Variants in HHIP observed in about 807,000 individuals in gnomAD.
HHIP encodes the protein hedgehog interacting protein.
Under a neutral mutation model 74.0 loss-of-function variants are expected in HHIP, and 12 were observed. The observed-to-expected ratio is 0.16, with a 90% CI of 0.10 to 0.26. The LOEUF is 0.26. Among genes scored for constraint, HHIP ranks in the 10% least tolerant of loss-of-function variants. The probability of loss-of-function intolerance (pLI) is 1.00; values close to 1 mark genes in which losing one functional copy is unlikely to be tolerated. For missense variants in HHIP, 788 were observed against 845.0 expected, an observed-to-expected ratio of 0.93 and a Z score of 0.84; for synonymous variants, 309 against 311.6, an observed-to-expected ratio of 0.99 and a Z score of 0.09.
rs116303681 is a variant in HHIP, at chr4:144,738,888, G to C, written c.*931G>C. 66 of 160,452 alleles carry C rather than the reference G, an allele frequency of 4.1e-4. No homozygotes were observed. Among genetic ancestry groups the C allele is most frequent in the Non-Finnish European group, 7.9e-4 (59 of 75,150 alleles). 9.9% of individuals were successfully genotyped at this position (160,452 alleles called of 1,614,324 possible). On this transcript the variant is annotated 3_prime_UTR_variant, in exon 13 of 13. Coordinates refer to ENST00000296575, the MANE Select transcript of HHIP (RefSeq NM_022475.3). ...CAACATGTAATCATTAACGACGGAT[G>C]AAAAAGCAAGAAAACAGCCAATCCT...
intron 4 of HHIP, among the ~76,000 whole-genome samples, chr4:144,688,210 C>T (rs1729540239): frequency 6.6e-6 from 1 of 152,076 alleles, no homozygotes; most frequent in South Asian, 2.1e-4. Context: ...CATGTTCCCA[C>T]CCAAGTCAGC....
intron 11 of HHIP, among the ~76,000 whole-genome samples, chr4:144,734,474 G>C (rs1381628464): frequency 1.3e-5 from 2 of 152,050 alleles, no homozygotes; most frequent in Non-Finnish European, 2.9e-5. Flanking sequence ...TTTAATTAAA[G>C]ATATTTTCAT....
chr4:144,737,922 T>A lies in HHIP; in HGVS notation c.2068T>A (p.Ser690Thr). 6.2e-7 allele frequency: 1 copy of A among 1,612,064 alleles called. No individual in the cohort carries two copies. The highest frequency in any genetic ancestry group is 8.5e-7 in the Non-Finnish European group (1 of 1,179,032). Residue 690 changes from serine (S) to threonine (T), a missense_variant, in exon 13 of 13, where the codon TCT (serine) becomes ACT (threonine). Ser to Thr is a moderately conservative substitution (Grantham distance 58). Transcript: ENST00000296575. ...TCTTGATCAGATCATTGACATGACATCTTACTTGCTGGATCTAACAAGTTA... is the reference window on the plus strand; with the variant it reads ...TCTTGATCAGATCATTGACATGACAACTTACTTGCTGGATCTAACAAGTTA... ...GILDQIIDMTSYLLDLTSYIV is the reference protein window; with the variant it reads ...GILDQIIDMTTYLLDLTSYIV
rs563082520 is a variant in HHIP at position 144,743,915 on chromosome 4, A to T, written c.*5958A>T. ...GTTTGGGATAGTATGCCCAAAACCT[A>T]TGTTTCTTTACTTTATATTCTTAAA... On this transcript the variant is annotated 3_prime_UTR_variant, in exon 13 of 13. Transcript: ENST00000296575. 3.3e-5 allele frequency: 5 copies of T among 152,232 alleles called. No individual in the cohort carries two copies. The South Asian group carries it at 1.0e-3, about 32-fold the overall frequency. The allele number at this position is 152,232 out of a possible 1,614,324, so 9.4% of individuals were successfully genotyped here. A position where few individuals can be genotyped will look rare whatever the true frequency, so the allele number is the denominator to read the frequency against.
At chr4:144,673,043 T>C (rs549469014) in intron 4 of HHIP, among the ~76,000 whole-genome samples, 5 of 152,300 alleles carry the variant, frequency 3.3e-5, no homozygotes, top group African/African-American at 1.2e-4. Flanking sequence ...ATGCTGAGAA[T>C]AGACTTGGAG....
At chr4:144,696,138 T>C (rs1729811873) in intron 4 of HHIP, among the ~76,000 whole-genome samples, 1 of 151,944 alleles carries the variant, frequency 6.6e-6, no homozygotes, top group Non-Finnish European at 1.5e-5. Flanking sequence ...TTAGAGCTCA[T>C]TAAGTAATTT....
At position 144,685,140 on chromosome 4, in the gene HHIP, C is replaced by G. The variant is rs1578698293; in HGVS notation, c.832-21391C>G. Among the ~76,000 whole-genome samples, 3 of 152,184 alleles carry G rather than the reference C, an allele frequency of 2.0e-5. No individual in the cohort carries two copies. In the East Asian group the frequency reaches 5.8e-4, roughly 29 times the overall value. ...CAATATCATTTTCCTGCGTGTCAGCCTTGGGCAGTGTTTGCTATTCAAAAC... is the reference window on the plus strand; with the variant it reads ...CAATATCATTTTCCTGCGTGTCAGCGTTGGGCAGTGTTTGCTATTCAAAAC... On this transcript the variant is annotated intron_variant, in intron 4 of 12. Coordinates refer to ENST00000296575, the MANE Select transcript of HHIP (RefSeq NM_022475.3).
At chr4:144,702,004 A>C (rs1418973937) in intron 4 of HHIP, among the ~76,000 whole-genome samples, 1 of 152,136 alleles carries the variant, frequency 6.6e-6, no homozygotes, top group African/African-American at 2.4e-5. Context: ...AAGAAAAAAT[A>C]GGGCTGAGTG....
chr4:144,711,031 T>C (rs1459073469), intron 7 of HHIP, among the ~76,000 whole-genome samples: 2 of 126,966 alleles, frequency 1.6e-5, no homozygotes, highest in East Asian at 2.1e-4. Context: ...AGGAAGATAG[T>C]GATGAAGTTG....
intron 11 of HHIP, 137 bp downstream of exon 11, chr4:144,719,093 C>A (rs1460266653): frequency 1.5e-6 from 1 of 646,272 alleles, no homozygotes; most frequent in Non-Finnish European, 2.8e-6. Context: ...ATGCTTAGAG[C>A]TGTCCTGAAA....
chr4:144,647,714 T>C (rs983035134), intron 1 of HHIP, among the ~76,000 whole-genome samples: 4 of 152,360 alleles, frequency 2.6e-5, no homozygotes, highest in Admixed American at 2.0e-4. Flanking sequence ...ATGGTGTTTG[T>C]TGACTGTAAA....
chr4:144,720,158 AT>A (rs962253047), intron 11 of HHIP, among the ~76,000 whole-genome samples: 6 of 152,124 alleles, frequency 3.9e-5, no homozygotes, highest in East Asian at 3.9e-4. Context: ...TACTATAGTG[AT>A]TTTTTTTCCA....
intron 11 of HHIP, among the ~76,000 whole-genome samples, chr4:144,728,606 G>A (rs551991693): frequency 6.6e-6 from 1 of 151,988 alleles, no homozygotes; most frequent in East Asian, 1.9e-4. Context: ...TATTTCTGCA[G>A]CCTACATATG....
At chr4:144,736,943 C>T (rs1385421321) in intron 12 of HHIP, among the ~76,000 whole-genome samples, 1 of 152,160 alleles carries the variant, frequency 6.6e-6, no homozygotes, top group Non-Finnish European at 1.5e-5. Context: ...GACCCTGTCT[C>T]GTCAAAACAT....
Position 144,658,908 on chromosome 4 carries a change from C to T in HHIP, c.591C>T (p.Asp197=), listed in dbSNP as rs2126587655. ...QVRGPASNYL[D]QMEEYDKVEE... ...GAGGACCAGCATCTAACTACTTGGA[C>T]CAGATGGAAGAATATGACAAAGTGG... The change falls in exon 3 of 13, where the codon GAC becomes GAT. Residue 197 remains aspartate (D), a synonymous_variant. Transcript: ENST00000296575. 1.2e-6 allele frequency: 2 copies of T among 1,612,968 alleles called. No homozygotes were observed. The highest frequency in any genetic ancestry group is 1.7e-6 in the Non-Finnish European group (2 of 1,179,258).
chr4:144,741,776 A>T lies in HHIP; in HGVS notation c.*3819A>T, dbSNP rs1731268651. The T allele has an allele frequency of 6.6e-6, 1 of 152,146 alleles. No individual in the cohort carries two copies. Among genetic ancestry groups the T allele is most frequent in the Non-Finnish European group, 1.5e-5 (1 of 68,026 alleles). 9.4% of individuals were successfully genotyped at this position (152,146 alleles called of 1,614,324 possible). A position where few individuals can be genotyped will look rare whatever the true frequency, so the allele number is the denominator to read the frequency against. ...GATGCTACATCTAGGAGCATTCAAG[A>T]TATACATTAATTTAAACTTTTATTA... On this transcript the variant is annotated 3_prime_UTR_variant, in exon 13 of 13. Coordinates refer to ENST00000296575, the MANE Select transcript of HHIP (RefSeq NM_022475.3).
chr4:144,708,915 T>C (rs1244850876), intron 7 of HHIP, among the ~76,000 whole-genome samples: 1 of 152,176 alleles, frequency 6.6e-6, no homozygotes, highest in Admixed American at 6.5e-5. Flanking sequence ...ACTAAAGGAC[T>C]CCATATTAAC....
intron 4 of HHIP, among the ~76,000 whole-genome samples, chr4:144,701,565 T>C (rs1050031662): frequency 2.0e-5 from 3 of 152,112 alleles, no homozygotes; most frequent in African/African-American, 7.2e-5. Flanking sequence ...TACAAACTCA[T>C]TGAGAGGAGG....
chr4:144,658,720 T>A, intron 2 of HHIP, 70 bp from the exon 3 acceptor site: 2 of 1,312,420 alleles, frequency 1.5e-6, no homozygotes, highest in Non-Finnish European at 1.1e-6. Context: ...CCTCATCTTA[T>A]ATCTTTCAAA....
Sources: gnomAD v4.1 joint callset for allele counts (sites outside exome capture counted in the v4.1 genomes callset) on GRCh38, gnomAD v4.1.1 for gene constraint, MANE v1.5 for transcripts, NCBI Gene and HGNC (gene_info 2026-07-23, HGNC 2026-07-21) for gene names.